The following FER variants were observed in gnomAD, a reference collection of about 807,000 sequenced individuals.
FER encodes FER tyrosine kinase.
FER carries 63 observed loss-of-function variants against 111.0 expected under a neutral mutation model. The ratio of observed to expected loss-of-function variants is 0.57; its 90% CI spans 0.46 to 0.70. The LOEUF (loss-of-function observed/expected upper bound fraction) is 0.70. Ranked by LOEUF, FER falls within the 30% of genes least tolerant of loss-of-function variation. The probability of loss-of-function intolerance (pLI) is 0.00; values close to 1 mark genes in which losing one functional copy is unlikely to be tolerated. For synonymous variants in FER, 327 were observed against 313.9 expected, an observed-to-expected ratio of 1.04 and a Z score of -0.44; for missense variants, 914 against 954.0, an observed-to-expected ratio of 0.96 and a Z score of 0.55.
At chr5:109,129,542 G>A (rs796566729) in intron 17 of FER, among the ~76,000 whole-genome samples, 40 of 151,980 alleles carry the variant, frequency 2.6e-4, no homozygotes, top group African/African-American at 8.9e-4. Flanking sequence ...GTTAAATGAT[G>A]ACCTAGAAAC....
rs199875967 is a variant in FER at position 108,783,801 on chromosome 5, TG to T, written c.-59-14319del. Among the ~76,000 whole-genome samples, 649 of 152,248 alleles carry T rather than the reference TG, an allele frequency of 4.3e-3. 18 individuals carry two copies. Among genetic ancestry groups the T allele is most frequent in the Admixed American group, 0.035 (529 of 15,286 alleles). ...GGCTGAGTTAGTGTATATCTATTGCTGGGGAAGGGATGGGCTGGGATTTCCT... is the reference window on the plus strand; with the variant it reads ...GGCTGAGTTAGTGTATATCTATTGCTGGGAAGGGATGGGCTGGGATTTCCT... On this transcript the variant is annotated intron_variant, in intron 2 of 19. Transcript: ENST00000281092.
chr5:108,917,894 C>T (rs1752472945), intron 10 of FER, among the ~76,000 whole-genome samples: 1 of 152,130 alleles, frequency 6.6e-6, no homozygotes, highest in Admixed American at 6.5e-5. Context: ...CCTCACATTG[C>T]AGGGCTTTTT....
At chr5:109,185,650 T>A (rs768702555) in intron 18 of FER, among the ~76,000 whole-genome samples, 8 of 152,070 alleles carry the variant, frequency 5.3e-5, no homozygotes, top group Admixed American at 2.6e-4. Flanking sequence ...GGGAGAGTGA[T>A]TTGGAGGCTA....
At position 109,072,569 on chromosome 5, in the gene FER, C is replaced by A. The variant is rs1013201610; in HGVS notation, c.1924+25371C>A. Among the ~76,000 whole-genome samples the A allele has an allele frequency of 5.9e-5, 9 of 151,732 alleles. 1 individual carries two copies. The highest frequency in any genetic ancestry group is 5.9e-5 in the Non-Finnish European group (4 of 67,842). Reference sequence around the variant, plus strand: ...CAGAAAAACAGTAGGCCAGTGATGTCGTGTTTCCCTTTAATCCGTTTTTTA... The same window carrying A: ...CAGAAAAACAGTAGGCCAGTGATGTAGTGTTTCCCTTTAATCCGTTTTTTA... On this transcript the variant is annotated intron_variant, in intron 16 of 19. Coordinates refer to ENST00000281092, the MANE Select transcript of FER (RefSeq NM_005246.4).
At chr5:108,893,204 G>A (rs1171565514) in intron 9 of FER, among the ~76,000 whole-genome samples, 2 of 152,076 alleles carry the variant, frequency 1.3e-5, no homozygotes, top group Non-Finnish European at 2.9e-5. Context: ...ATTCTGTGAA[G>A]AAAGTCATTG....
chr5:108,893,968 G>GTT (rs561122699), intron 9 of FER, among the ~76,000 whole-genome samples: 90 of 137,552 alleles, frequency 6.5e-4, no homozygotes, highest in Non-Finnish European at 7.4e-4. Context: ...AAGGAAAGAG[G>GTT]TTTTTTTTTT....
chr5:109,145,519 C>T (rs1405066906), intron 17 of FER, among the ~76,000 whole-genome samples: 1 of 152,004 alleles, frequency 6.6e-6, no homozygotes, highest in Non-Finnish European at 1.5e-5. Context: ...CCCCCAACCC[C>T]CGCAACTTTT....
chr5:109,028,286 A>T (rs1433700712), intron 13 of FER, among the ~76,000 whole-genome samples: 1 of 152,182 alleles, frequency 6.6e-6, no homozygotes, highest in African/African-American at 2.4e-5. Flanking sequence ...AATGCAGTAG[A>T]TGAAGAGCAA....
At chr5:108,866,121 A>G (rs751826991) in intron 5 of FER, among the ~76,000 whole-genome samples, 3 of 152,242 alleles carry the variant, frequency 2.0e-5, no homozygotes, top group Non-Finnish European at 2.9e-5. Context: ...ATGCTGCTAT[A>G]AAGACACATG....
chr5:109,033,694 C>G (rs1769963756), intron 13 of FER, among the ~76,000 whole-genome samples: 1 of 152,038 alleles, frequency 6.6e-6, no homozygotes, highest in African/African-American at 2.4e-5. Context: ...CCATCTTTAT[C>G]CAATTTAACG....
intron 10 of FER, chr5:108,924,744 A>G (rs1466014530): frequency 8.1e-7 from 1 of 1,232,092 alleles, no homozygotes; most frequent in Non-Finnish European, 1.0e-6. Context: ...CATGTGCTTT[A>G]ATGTTCAGCT....
intron 13 of FER, among the ~76,000 whole-genome samples, chr5:108,994,997 A>C (rs1486126424): frequency 1.3e-5 from 2 of 152,150 alleles, no homozygotes; most frequent in South Asian, 4.1e-4. Context: ...TTACCAGCTT[A>C]AGGAGATTTG....
At chr5:109,124,442 C>T (rs72796578) in intron 17 of FER, among the ~76,000 whole-genome samples, 6,198 of 152,278 alleles carry the variant, frequency 0.041, 152 homozygotes, top group Middle Eastern at 0.11. Context: ...TTCATTAAAC[C>T]CCTTCGTAAA....
chr5:108,879,220 T>A (rs76761180), intron 8 of FER, among the ~76,000 whole-genome samples: 1 of 152,058 alleles, frequency 6.6e-6, no homozygotes, highest in Non-Finnish European at 1.5e-5. Flanking sequence ...AATAAGCCAT[T>A]TGAACTGTTA....
chr5:108,756,670 A>G (rs1580382029), intron 1 of FER, among the ~76,000 whole-genome samples: 1 of 152,226 alleles, frequency 6.6e-6, no homozygotes, highest in East Asian at 1.9e-4. Flanking sequence ...CAGTATTTCA[A>G]TTATTTACAA....
At position 109,058,724 on chromosome 5, in the gene FER, C is replaced by CTTTTTTT. The variant is rs746184286; in HGVS notation, c.1924+11546_1924+11552dup. ...TCTTTTTCTTTTTCTTTCTTTCTTTCTTTTTTTTTTTTTTTTTTTTTTTTT... is the reference window on the plus strand; with the variant it reads ...TCTTTTTCTTTTTCTTTCTTTCTTTCTTTTTTTTTTTTTTTTTTTTTTTTTTTTTTTT... On this transcript the variant is annotated intron_variant, in intron 16 of 19. Coordinates refer to ENST00000281092, the MANE Select transcript of FER (RefSeq NM_005246.4). 9.4e-4 allele frequency among the ~76,000 whole-genome samples: 72 copies of CTTTTTTT among 76,264 alleles called. 3 individuals are homozygous for CTTTTTTT. Among genetic ancestry groups the CTTTTTTT allele is most frequent in the African/African-American group, 2.5e-3 (42 of 17,118 alleles). 50.0% of individuals were successfully genotyped at this position (76,264 alleles called of 152,430 possible).
chr5:109,063,954 A>G (rs182759784), intron 16 of FER, among the ~76,000 whole-genome samples: 1 of 152,310 alleles, frequency 6.6e-6, no homozygotes, highest in Admixed American at 6.5e-5. Context: ...ACATTACATT[A>G]CTGAAAGTCA....
chr5:109,070,923 T>G (rs751282199), intron 16 of FER, among the ~76,000 whole-genome samples: 21 of 152,012 alleles, frequency 1.4e-4, no homozygotes, highest in Admixed American at 9.8e-4. Context: ...TAAAAATAAA[T>G]GATTCATCTA....
Position 108,877,544 on chromosome 5 carries a change from C to G in FER, c.923+5332C>G, listed in dbSNP as rs922657374. Among the ~76,000 whole-genome samples the G allele has an allele frequency of 2.0e-5, 3 of 152,242 alleles. No individual in the cohort carries two copies. The South Asian group carries it at 6.2e-4, about 32-fold the overall frequency. Reference sequence around the variant, plus strand: ...TTTGTGTCATGGTATAGATTGTCATCCATAAAAATCCTATGCTCTTGCAAT... The same window carrying G: ...TTTGTGTCATGGTATAGATTGTCATGCATAAAAATCCTATGCTCTTGCAAT... On this transcript the variant is annotated intron_variant, in intron 8 of 19. Transcript: ENST00000281092.
Sources: allele counts gnomAD v4.1 joint callset (sites outside exome capture counted in the v4.1 genomes callset), GRCh38; gene constraint gnomAD v4.1.1; transcripts MANE v1.5; gene names NCBI Gene and HGNC (gene_info 2026-07-23, HGNC 2026-07-21).